Variants in CSNK2A1 observed in about 807,000 individuals in gnomAD.
The protein encoded by CSNK2A1 is casein kinase 2 alpha 1, also known as casein kinase II subunit alpha.
In CSNK2A1, 10 loss-of-function variants were observed where a neutral mutation model predicts 62.9. The ratio of observed to expected loss-of-function variants is 0.16; its 90% CI spans 0.10 to 0.27. The LOEUF (loss-of-function observed/expected upper bound fraction) is 0.27, where lower values mean the gene tolerates loss of function less well. Among genes scored for constraint, CSNK2A1 ranks in the 10% least tolerant of loss-of-function variants. The pLI is 1.00. For missense variants in CSNK2A1, 160 were observed against 492.0 expected, an observed-to-expected ratio of 0.33 and a Z score of 6.38; for synonymous variants, 124 against 167.8, an observed-to-expected ratio of 0.74 and a Z score of 2.02.
In CSNK2A1 at chr20:542,334, AT is replaced by A. The variant is rs939069822; in HGVS notation, c.-227+1337del. Among the ~76,000 whole-genome samples the A allele has an allele frequency of 2.5e-3, 383 of 152,342 alleles. 2 individuals carry two copies. The highest frequency in any genetic ancestry group is 8.9e-3 in the African/African-American group (370 of 41,586). ...ACAGCTAAGTAGCAATGGCCCTGAT[AT>A]TTGAGAACCTAGGCAGTCTGGTTTT... On this transcript the variant is annotated intron_variant, in intron 1 of 13. Coordinates refer to ENST00000217244, the MANE Select transcript of CSNK2A1 (RefSeq NM_177559.3).
Position 499,654 on chromosome 20 carries a change from T to C in CSNK2A1, c.315+179A>G, listed in dbSNP as rs2018417182. On this transcript the variant is annotated intron_variant, in intron 5 of 13. Transcript: ENST00000217244. The surrounding 1 kb of genome is among the most constrained non-coding windows in gnomAD (Gnocchi z 4.2). ...GCCTAGAAGAATAAGAAATAGTCTG[T>C]GGGTGGAGGTCTCTTTGAAAGAAAG... 3.2e-6 allele frequency: 2 copies of C among 624,976 alleles called. No homozygotes were observed. The highest frequency in any genetic ancestry group is 2.8e-6 in the Non-Finnish European group (1 of 351,792). 38.7% of individuals were successfully genotyped at this position (624,976 alleles called of 1,614,324 possible). A position where few individuals can be genotyped will look rare whatever the true frequency, so the allele number is the denominator to read the frequency against.
chr20:493,434 A>G, intron 8 of CSNK2A1, among the ~76,000 whole-genome samples: 1 of 152,250 alleles, frequency 6.6e-6, no homozygotes, highest in Admixed American at 6.5e-5. Context: ...AAAATAATTA[A>G]ATATTTAAAA....
At chr20:518,802 G>A (rs192694760) in intron 2 of CSNK2A1, among the ~76,000 whole-genome samples, 7 of 148,218 alleles carry the variant, frequency 4.7e-5, no homozygotes, top group South Asian at 4.3e-4. Context: ...TGATCCACCC[G>A]CCTTGGCCTC....
chr20:497,603 A>C (rs1481360574), intron 7 of CSNK2A1, 118 bp downstream of exon 7: 9 of 792,960 alleles, frequency 1.1e-5, no homozygotes, highest in Middle Eastern at 2.6e-4. Context: ...ACTTATATAG[A>C]GGTCCCTTCT....
intron 2 of CSNK2A1, among the ~76,000 whole-genome samples, chr20:524,384 T>C (rs1265973801): frequency 1.4e-5 from 2 of 144,692 alleles, no homozygotes; most frequent in Non-Finnish European, 3.0e-5. Flanking sequence ...ATAACGCCAT[T>C]GCATTCCAGC....
At chr20:514,506 G>A (rs368315231) in intron 2 of CSNK2A1, among the ~76,000 whole-genome samples, 3 of 151,898 alleles carry the variant, frequency 2.0e-5, no homozygotes, top group African/African-American at 4.8e-5. Flanking sequence ...AATCTCGCTC[G>A]GCTCACTGAA....
Position 495,643 on chromosome 20 carries a change from C to T in CSNK2A1, c.510+76G>A, listed in dbSNP as rs868411563. The T allele has an allele frequency of 2.3e-6, 3 of 1,297,294 alleles. No homozygotes were observed. In the South Asian group the frequency reaches 3.6e-5, roughly 15 times the overall value. 80.4% of individuals were successfully genotyped at this position (1,297,294 alleles called of 1,614,324 possible). On this transcript the variant is annotated intron_variant, in intron 8 of 13. Coordinates refer to ENST00000217244, the MANE Select transcript of CSNK2A1 (RefSeq NM_177559.3). ...ATAGGTACTAGGGCCTGTGACAACA[C>T]AAGGGATAAAGTGTTGAAGATGGGC...
intron 10 of CSNK2A1, 57 bp downstream of exon 10, chr20:489,723 T>C: frequency 2.1e-6 from 3 of 1,418,688 alleles, no homozygotes; most frequent in South Asian, 1.4e-5. Flanking sequence ...TTACAGGCAG[T>C]GCTGGCTATC....
At position 473,121 on chromosome 20, in the gene CSNK2A1, G is replaced by C. The variant is rs1355237939; in HGVS notation, c.*10840C>G. On this transcript the variant is annotated 3_prime_UTR_variant, in exon 14 of 14. Coordinates refer to ENST00000217244, the MANE Select transcript of CSNK2A1 (RefSeq NM_177559.3). ...AATGACACCTTGGACTGAGGGTGCA[G>C]GCTGGCCTGCCAGAGGGATTTTCTC... The C allele has an allele frequency of 6.6e-6, 1 of 152,612 alleles. No homozygotes were observed. Among genetic ancestry groups the C allele is most frequent in the East Asian group, 1.9e-4 (1 of 5,212 alleles). 9.5% of individuals were successfully genotyped at this position (152,612 alleles called of 1,614,324 possible).
At chr20:533,294 C>T (rs556986822) in intron 1 of CSNK2A1, among the ~76,000 whole-genome samples, 13 of 152,320 alleles carry the variant, frequency 8.5e-5, no homozygotes, top group Admixed American at 8.5e-4. Flanking sequence ...AACATAAATA[C>T]TCTCAGTAAT....
chr20:499,242 T>C lies in CSNK2A1; in HGVS notation c.366+13A>G. 1.9e-6 allele frequency: 3 copies of C among 1,594,220 alleles called. No homozygotes were observed. The highest frequency in any genetic ancestry group is 2.6e-6 in the Non-Finnish European group (3 of 1,170,098). On this transcript the variant is annotated intron_variant, in intron 6 of 13. Transcript: ENST00000217244. The surrounding 1 kb of genome is among the most constrained non-coding windows in gnomAD (Gnocchi z 4.2). ...AAACCCACTAGCCCGAAACAGTTGGTTATATATTATACCTTGAAGTCTGTG... is the reference window on the plus strand; with the variant it reads ...AAACCCACTAGCCCGAAACAGTTGGCTATATATTATACCTTGAAGTCTGTG...
At chr20:502,389 T>A (rs1459391399) in intron 4 of CSNK2A1, 1 of 152,158 alleles carries the variant, frequency 6.6e-6, no homozygotes, top group Non-Finnish European at 1.5e-5. Flanking sequence ...AACTGCTGGT[T>A]TTTTAGTGGA....
chr20:478,687 G>C lies in CSNK2A1; in HGVS notation c.*5274C>G, dbSNP rs1376302205. The C allele has an allele frequency of 2.1e-5, 9 of 419,484 alleles. No homozygotes were observed. The highest frequency in any genetic ancestry group is 3.8e-5 in the Non-Finnish European group (8 of 211,398). 26.0% of individuals were successfully genotyped at this position (419,484 alleles called of 1,614,324 possible). On this transcript the variant is annotated 3_prime_UTR_variant, in exon 14 of 14. Transcript: ENST00000217244. ...CTCATGCCTCTAATCTCAGCACTTT[G>C]GGAGGCCAAGGCGGGTAGACTGTTG...
chr20:539,889 C>A (rs2019411526), intron 1 of CSNK2A1: 1 of 152,190 alleles, frequency 6.6e-6, no homozygotes, highest in African/African-American at 2.4e-5. Flanking sequence ...TTCTCTACTC[C>A]CAACATACCA....
chr20:535,938 C>T (rs1045694096), intron 1 of CSNK2A1, among the ~76,000 whole-genome samples: 15 of 152,092 alleles, frequency 9.9e-5, no homozygotes, highest in African/African-American at 3.6e-4. Context: ...TCAAGCAATT[C>T]CCAAACTGTG....
chr20:524,686 A>C (rs923662042), intron 2 of CSNK2A1, among the ~76,000 whole-genome samples: 4 of 135,732 alleles, frequency 2.9e-5, no homozygotes, highest in African/African-American at 1.1e-4. Flanking sequence ...GCACTCCAGC[A>C]TGGGTGACGG....
At chr20:535,614 G>A (rs867247009) in intron 1 of CSNK2A1, among the ~76,000 whole-genome samples, 24 of 152,110 alleles carry the variant, frequency 1.6e-4, no homozygotes, top group African/African-American at 4.8e-4. Context: ...AAATTAGCCC[G>A]GTGGGGTGGC....
chr20:488,594 CA>C, intron 11 of CSNK2A1, 83 bp downstream of exon 11: 1 of 1,369,206 alleles, frequency 7.3e-7, no homozygotes, highest in Non-Finnish European at 1.0e-6. Context: ...GCAAAGAAAA[CA>C]TAACTATTTT....
chr20:504,997 TA>T, intron 4 of CSNK2A1, 120 bp downstream of exon 4: 1 of 803,622 alleles, frequency 1.2e-6, no homozygotes, highest in Non-Finnish European at 1.9e-6. Flanking sequence ...TAGGATACAA[TA>T]AAATTTTATT....
Sources: allele counts gnomAD v4.1 joint callset (sites outside exome capture counted in the v4.1 genomes callset), GRCh38; gene constraint gnomAD v4.1.1; non-coding constraint Gnocchi (gnomAD v3.1); transcripts MANE v1.5; gene names NCBI Gene and HGNC (gene_info 2026-07-23, HGNC 2026-07-21).